AKT3: variants seen among roughly 807,000 people sequenced by gnomAD.
The protein encoded by AKT3 is RAC-gamma serine/threonine-protein kinase.
A neutral mutation model predicts 65.3 loss-of-function variants in AKT3; 15 were observed. The observed-to-expected ratio is 0.23, with a 90% CI of 0.15 to 0.35. AKT3 has a LOEUF of 0.35. AKT3 is among the 10% of genes least tolerant of loss of function. AKT3 has a pLI of 1.00. For synonymous variants in AKT3, 206 were observed against 183.8 expected, an observed-to-expected ratio of 1.12 and a Z score of -0.98; for missense variants, 243 against 576.5, an observed-to-expected ratio of 0.42 and a Z score of 5.92.
chr1:243,704,321 A>G (rs745352243), intron 2 of AKT3, among the ~76,000 whole-genome samples: 93 of 152,186 alleles, frequency 6.1e-4, no homozygotes, highest in Non-Finnish European at 1.0e-3. Flanking sequence ...TGATACAAGC[A>G]TAGTCCCAGC....
intron 6 of AKT3, among the ~76,000 whole-genome samples, chr1:243,621,346 G>A (rs529703445): frequency 1.3e-5 from 2 of 152,228 alleles, no homozygotes; most frequent in East Asian, 1.9e-4. Flanking sequence ...TCCTGAAAAC[G>A]TGTTCTTCTT....
At chr1:243,720,788 C>T (rs912558535) in intron 2 of AKT3, among the ~76,000 whole-genome samples, 2 of 152,110 alleles carry the variant, frequency 1.3e-5, no homozygotes, top group African/African-American at 4.8e-5. Flanking sequence ...TTATTTTTTA[C>T]GTATTCCCAG....
intron 8 of AKT3, among the ~76,000 whole-genome samples, chr1:243,588,481 G>T (rs1051194632): frequency 1.3e-5 from 2 of 152,048 alleles, no homozygotes; most frequent in Non-Finnish European, 2.9e-5. Flanking sequence ...CTGCCTTCCA[G>T]AATAAAAACT....
intron 4 of AKT3, among the ~76,000 whole-genome samples, chr1:243,659,545 T>C (rs943840901): frequency 6.6e-6 from 1 of 152,140 alleles, no homozygotes; most frequent in African/African-American, 2.4e-5. Context: ...CCATGTGGTG[T>C]TAATGCTAGA....
At chr1:243,767,608 T>C (rs1178451810) in intron 2 of AKT3, among the ~76,000 whole-genome samples, 2 of 152,068 alleles carry the variant, frequency 1.3e-5, no homozygotes, top group African/African-American at 2.4e-5. Flanking sequence ...AAATACCCAA[T>C]AGTATATATT....
chr1:243,744,661 C>T (rs796765201), intron 2 of AKT3, among the ~76,000 whole-genome samples: 29 of 150,570 alleles, frequency 1.9e-4, no homozygotes, highest in African/African-American at 6.8e-4. Flanking sequence ...ATGGCGTGAA[C>T]CCGGGAGGCG....
chr1:243,691,237 A>G (rs1023558477), intron 3 of AKT3, among the ~76,000 whole-genome samples: 3 of 152,240 alleles, frequency 2.0e-5, no homozygotes, highest in Admixed American at 2.0e-4. Context: ...AGGGAATTAT[A>G]AACAGTTCAG....
At chr1:243,592,544 T>G (rs963346374) in intron 8 of AKT3, among the ~76,000 whole-genome samples, 1 of 151,916 alleles carries the variant, frequency 6.6e-6, no homozygotes, top group African/African-American at 2.4e-5. Context: ...CAGAAGAAAG[T>G]ACAGTGACAT....
chr1:243,522,915 T>C (rs1670810055), intron 12 of AKT3, among the ~76,000 whole-genome samples: 3 of 152,180 alleles, frequency 2.0e-5, no homozygotes, highest in Admixed American at 2.0e-4. Context: ...GTCCAGGTTC[T>C]AGCACTGACA....
At chr1:243,775,777 C>G (rs1490609250) in intron 2 of AKT3, among the ~76,000 whole-genome samples, 2 of 152,070 alleles carry the variant, frequency 1.3e-5, no homozygotes, top group African/African-American at 4.8e-5. Context: ...TAATACAGAA[C>G]TTTACAAAAT....
At chr1:243,635,569 A>G (rs1679914303) in intron 6 of AKT3, among the ~76,000 whole-genome samples, 1 of 151,996 alleles carries the variant, frequency 6.6e-6, no homozygotes, top group Admixed American at 6.6e-5. Context: ...CCATTAGAAC[A>G]CAACAGTAAT....
At chr1:243,663,624 A>T (rs1682553424) in intron 4 of AKT3, among the ~76,000 whole-genome samples, 1 of 152,190 alleles carries the variant, frequency 6.6e-6, no homozygotes, top group Admixed American at 6.5e-5. Context: ...TTTCTTAATC[A>T]ATCATACATT....
At chr1:243,770,817 T>C (rs1229175419) in intron 2 of AKT3, among the ~76,000 whole-genome samples, 1 of 151,984 alleles carries the variant, frequency 6.6e-6, no homozygotes, top group Non-Finnish European at 1.5e-5. Flanking sequence ...CTCTTCTACA[T>C]TTCCCACCAC....
In AKT3 at chr1:243,499,944, C is replaced by T. The variant is rs1012350839; in HGVS notation, c.*5305G>A. The T allele has an allele frequency of 1.6e-5, 11 of 696,452 alleles. No homozygotes were observed. The highest frequency in any genetic ancestry group is 5.3e-5 in the African/African-American group (3 of 57,012). The allele number at this position is 696,452 out of a possible 1,614,324, so 43.1% of individuals were successfully genotyped here. Reference sequence around the variant, plus strand: ...CATCAACGCGGGCGCTGTCCCCGCACGCAGTCGGGCTGGAGCTGGAGTCTG... The same window carrying T: ...CATCAACGCGGGCGCTGTCCCCGCATGCAGTCGGGCTGGAGCTGGAGTCTG... On this transcript the variant is annotated 3_prime_UTR_variant, in exon 14 of 14. Coordinates refer to ENST00000673466, the MANE Select transcript of AKT3 (RefSeq NM_005465.7).
rs370671685 is a variant in AKT3, at chr1:243,703,760, C to CAAA, written c.47-8047_47-8045dup. Among the ~76,000 whole-genome samples, 401 of 78,348 alleles carry CAAA rather than the reference C, an allele frequency of 5.1e-3. 3 individuals carry two copies. The highest frequency in any genetic ancestry group is 0.037 in the Middle Eastern group (5 of 134). 51.4% of individuals were successfully genotyped at this position (78,348 alleles called of 152,430 possible). On this transcript the variant is annotated intron_variant, in intron 2 of 13. Transcript: ENST00000673466. ...TCAGCAACACAGCAAGACTCCATCT[C>CAAA]AAAAAAAAAAAAAAAAAAGAAAAAG...
intron 6 of AKT3, among the ~76,000 whole-genome samples, chr1:243,636,439 A>T (rs1384941532): frequency 6.6e-6 from 1 of 152,092 alleles, no homozygotes; most frequent in Non-Finnish European, 1.5e-5. Context: ...CTGACATTAT[A>T]CTACCTCCCA....
intron 2 of AKT3, among the ~76,000 whole-genome samples, chr1:243,821,370 A>G (rs1572406204): frequency 6.6e-6 from 1 of 152,226 alleles, no homozygotes; most frequent in Non-Finnish European, 1.5e-5. Flanking sequence ...AAGCAGCTAC[A>G]TCAACACGTC....
At chr1:243,726,716 G>A (rs1687232857) in intron 2 of AKT3, among the ~76,000 whole-genome samples, 1 of 152,174 alleles carries the variant, frequency 6.6e-6, no homozygotes, top group African/African-American at 2.4e-5. Context: ...AGCTGAAAAT[G>A]GGTCAGAATG....
Position 243,843,188 on chromosome 1 carries a change from C to T in AKT3, c.-18G>A, listed in dbSNP as rs1695352338. 5 of 1,611,096 alleles carry T rather than the reference C, an allele frequency of 3.1e-6. No homozygotes were observed. Among genetic ancestry groups the T allele is most frequent in the Non-Finnish European group, 3.4e-6 (4 of 1,178,478 alleles). ...TCGCTCATGATGACTCCCCTCTGAG[C>T]CCCCAACTTGGAGAAATGGTACTTT... On this transcript the variant is annotated 5_prime_UTR_variant, in exon 2 of 14. Transcript: ENST00000673466.
Sources: gnomAD v4.1 joint callset for allele counts (sites outside exome capture counted in the v4.1 genomes callset) on GRCh38, gnomAD v4.1.1 for gene constraint, MANE v1.5 for transcripts, NCBI Gene and HGNC (gene_info 2026-07-23, HGNC 2026-07-21) for gene names.